DOC2B: variants seen among roughly 807,000 people sequenced by gnomAD.
The protein encoded by DOC2B is double C2 domain beta.
DOC2B carries 21 observed loss-of-function variants against 28.9 expected under a neutral mutation model. The ratio of observed to expected loss-of-function variants is 0.73; its 90% CI spans 0.52 to 1.05. DOC2B has a LOEUF of 1.05. Among genes scored for constraint, DOC2B ranks in the 50% least tolerant of loss-of-function variants. DOC2B has a pLI of 0.00. For missense variants in DOC2B, 384 were observed against 421.1 expected, an observed-to-expected ratio of 0.91 and a Z score of 0.77; for synonymous variants, 194 against 178.1, an observed-to-expected ratio of 1.09 and a Z score of -0.71.
chr17:150,381 G>A (rs188505217), intron 6 of DOC2B, among the ~76,000 whole-genome samples: 11 of 152,084 alleles, frequency 7.2e-5, no homozygotes, highest in East Asian at 3.9e-4. Context: ...TGAAGCCACC[G>A]CCCAAAGACA....
At chr17:155,379 C>A (rs2040122986) in intron 6 of DOC2B, among the ~76,000 whole-genome samples, 1 of 152,150 alleles carries the variant, frequency 6.6e-6, no homozygotes, top group Non-Finnish European at 1.5e-5. Flanking sequence ...CTGGCCTCTT[C>A]ATGGTGCCAA....
At chr17:154,823 AG>A (rs2040114977) in intron 6 of DOC2B, among the ~76,000 whole-genome samples, 2 of 151,924 alleles carry the variant, frequency 1.3e-5, no homozygotes, top group African/African-American at 4.8e-5. Flanking sequence ...TCCACCTCCC[AG>A]GTTGAAGTGA....
At chr17:172,282 C>T (rs1254228553) in intron 2 of DOC2B, among the ~76,000 whole-genome samples, 1 of 152,108 alleles carries the variant, frequency 6.6e-6, no homozygotes, top group Non-Finnish European at 1.5e-5. Context: ...CGAGGGTCCT[C>T]GGTCCAGGCC....
At chr17:156,129 T>C (rs1824925928) in intron 6 of DOC2B, 91 bp downstream of exon 6, 1 of 1,408,842 alleles carries the variant, frequency 7.1e-7, no homozygotes, top group African/African-American at 1.4e-5. Flanking sequence ...ACTCCCTGGG[T>C]GCCTGCCACC....
chr17:179,672 AG>A (rs76052282), intron 1 of DOC2B, among the ~76,000 whole-genome samples: 102,075 of 151,948 alleles, frequency 0.67, 34,541 homozygotes, highest in East Asian at 0.84. Context: ...GGCAGAGGGG[AG>A]GGGGGGTGGA....
At position 172,527 on chromosome 17, in the gene DOC2B, C is replaced by A. The variant is rs751400300; in HGVS notation, c.453+10G>T. ...GGCAGGGAATTTGGGGGCAGGCTGGCGGGGCCTACCTTGGCCTTGGTGATG... is the reference window on the plus strand; with the variant it reads ...GGCAGGGAATTTGGGGGCAGGCTGGAGGGGCCTACCTTGGCCTTGGTGATG... On this transcript the variant is annotated intron_variant, in intron 2 of 8. Coordinates refer to ENST00000613549, the MANE Select transcript of DOC2B (RefSeq NM_003585.5). The A allele has an allele frequency of 5.2e-6, 8 of 1,549,438 alleles. No individual in the cohort carries two copies. The highest frequency in any genetic ancestry group is 7.0e-6 in the Non-Finnish European group (8 of 1,145,540).
chr17:163,510 A>C (rs2040227618), intron 3 of DOC2B: 1 of 152,374 alleles, frequency 6.6e-6, no homozygotes, highest in South Asian at 2.1e-4. Flanking sequence ...AAGGAAGTCT[A>C]ATTAAGTTCT....
At chr17:176,985 C>T (rs920856765) in intron 1 of DOC2B, among the ~76,000 whole-genome samples, 1 of 151,644 alleles carries the variant, frequency 6.6e-6, no homozygotes, top group African/African-American at 2.4e-5. Flanking sequence ...TTGGTTTGCA[C>T]CTGGACTTTC....
At chr17:180,456 G>C (rs966820848) in intron 1 of DOC2B, among the ~76,000 whole-genome samples, 1 of 152,122 alleles carries the variant, frequency 6.6e-6, no homozygotes, top group Non-Finnish European at 1.5e-5. Flanking sequence ...GCGAAGGTGC[G>C]CGGCCCTGGC....
At chr17:161,340 C>T (rs953405519) in intron 5 of DOC2B, 75 bp downstream of exon 5, 56 of 1,449,762 alleles carry the variant, frequency 3.9e-5, no homozygotes, top group Non-Finnish European at 5.0e-5. Flanking sequence ...AGTCCCATCA[C>T]AGGCAGGAAG....
At chr17:171,955 G>C (rs866954859) in intron 2 of DOC2B, among the ~76,000 whole-genome samples, 30 of 129,858 alleles carry the variant, frequency 2.3e-4, no homozygotes, top group South Asian at 5.1e-4. Context: ...CTGCAGAGGG[G>C]AGCACCAGGG....
intron 2 of DOC2B, among the ~76,000 whole-genome samples, chr17:166,630 G>A (rs980623991): frequency 6.6e-6 from 1 of 152,108 alleles, no homozygotes; most frequent in Non-Finnish European, 1.5e-5. Flanking sequence ...TACGTCTCAC[G>A]AGATCTGATG....
chr17:177,136 G>A (rs944040387), intron 1 of DOC2B, among the ~76,000 whole-genome samples: 1 of 149,996 alleles, frequency 6.7e-6, no homozygotes, highest in African/African-American at 2.5e-5. Flanking sequence ...TGTGTTGAAA[G>A]CATTTTATAG....
In DOC2B at chr17:181,009, G is replaced by A; in HGVS notation, c.373+98C>T. Reference sequence around the variant, plus strand: ...GGTTGTGAACCGAGGCAGAGCGCGAGCGCGCGAGGGGGACCGGCGGAGGGA... The same window carrying A: ...GGTTGTGAACCGAGGCAGAGCGCGAACGCGCGAGGGGGACCGGCGGAGGGA... On this transcript the variant is annotated intron_variant, in intron 1 of 8. Coordinates refer to ENST00000613549, the MANE Select transcript of DOC2B (RefSeq NM_003585.5). The surrounding 1 kb of genome is among the most constrained non-coding windows in gnomAD (Gnocchi z 7.0). The A allele has an allele frequency of 9.5e-7, 1 of 1,047,928 alleles. No homozygotes were observed. The highest frequency in any genetic ancestry group is 1.2e-6 in the Non-Finnish European group (1 of 826,534). The allele number at this position is 1,047,928 out of a possible 1,614,324, so 64.9% of individuals were successfully genotyped here.
intron 2 of DOC2B, 51 bp downstream of exon 2, chr17:172,486 C>T: frequency 6.6e-7 from 1 of 1,506,004 alleles, no homozygotes; most frequent in Non-Finnish European, 9.0e-7. Context: ...GACCTAGGCC[C>T]TCTTGAGGAC....
At chr17:179,780 C>A (rs1016750551) in intron 1 of DOC2B, among the ~76,000 whole-genome samples, 1 of 23,108 alleles carries the variant, frequency 4.3e-5, no homozygotes, top group Non-Finnish European at 1.3e-4. Flanking sequence ...AGCCCCCACG[C>A]CCCAGGGCAG....
At chr17:166,321 C>A (rs2151470399) in intron 2 of DOC2B, among the ~76,000 whole-genome samples, 1 of 152,384 alleles carries the variant, frequency 6.6e-6, no homozygotes, top group East Asian at 1.9e-4. Context: ...GGCTGGCCTC[C>A]CACGGAGCCT....
chr17:143,870 G>A lies in DOC2B; in HGVS notation c.*3571C>T, dbSNP rs2040000524. ...TGGCAGCAAAACGGGGTTAAGCAGT[G>A]CACGAGAGTCTGCGTCGACGACAGC... On this transcript the variant is annotated 3_prime_UTR_variant, in exon 9 of 9. Coordinates refer to ENST00000613549, the MANE Select transcript of DOC2B (RefSeq NM_003585.5). The A allele has an allele frequency of 6.6e-6, 1 of 152,224 alleles. No homozygotes were observed. The highest frequency in any genetic ancestry group is 6.5e-5 in the Admixed American group (1 of 15,290). 9.4% of individuals were successfully genotyped at this position (152,224 alleles called of 1,614,324 possible).
chr17:181,536 G>A lies in DOC2B; in HGVS notation c.-57C>T. 2 of 948,548 alleles carry A rather than the reference G, an allele frequency of 2.1e-6. No individual in the cohort carries two copies. Among genetic ancestry groups the A allele is most frequent in the African/African-American group, 1.8e-5 (1 of 55,884 alleles). 58.8% of individuals were successfully genotyped at this position (948,548 alleles called of 1,614,324 possible). A position where few individuals can be genotyped will look rare whatever the true frequency, so the allele number is the denominator to read the frequency against. ...CCGGCCCGGCGCGACCCCGGCCCGG[G>A]GGCGGCTCAGCAGGCCCGGCGGGGC... On this transcript the variant is annotated 5_prime_UTR_variant, in exon 1 of 9. Transcript: ENST00000613549. This position sits in a 1 kb window ranked among gnomAD's most constrained non-coding sequence, Gnocchi z 7.0.
Sources: gnomAD v4.1 joint callset for allele counts (sites outside exome capture counted in the v4.1 genomes callset) on GRCh38, gnomAD v4.1.1 for gene constraint, Gnocchi (gnomAD v3.1) non-coding constraint, MANE v1.5 for transcripts, NCBI Gene and HGNC (gene_info 2026-07-23, HGNC 2026-07-21) for gene names.